Variants in DDX60L observed in about 807,000 individuals in gnomAD.
The protein encoded by DDX60L is probable ATP-dependent RNA helicase DDX60-like.
Under a neutral mutation model 211.6 loss-of-function variants are expected in DDX60L, and 191 were observed. The observed-to-expected ratio is 0.90, with a 90% CI of 0.80 to 1.02. DDX60L has a LOEUF of 1.02. Ranked by LOEUF, DDX60L falls within the 50% of genes least tolerant of loss-of-function variation. The pLI is 0.00. For synonymous variants in DDX60L, 706 were observed against 694.1 expected (o/e 1.02, Z -0.27); for missense variants, 2,007 against 1,984.1 (o/e 1.01, Z -0.22).
chr4:168,442,296 G>A (rs555427801), intron 9 of DDX60L, among the ~76,000 whole-genome samples: 125 of 152,174 alleles, frequency 8.2e-4, no homozygotes, highest in Non-Finnish European at 1.6e-3. Context: ...CTTTTGCGAC[G>A]GGCTTAAAAA....
chr4:168,458,041 T>C (rs563686822), intron 5 of DDX60L, 33 bp from the exon 6 acceptor site: 1 of 1,260,242 alleles, frequency 7.9e-7, no homozygotes, highest in Non-Finnish European at 1.1e-6. Context: ...TAAAATATCT[T>C]AAATAAAGTA....
intron 13 of DDX60L, among the ~76,000 whole-genome samples, chr4:168,429,713 G>A (rs1175703546): frequency 6.6e-6 from 1 of 152,226 alleles, no homozygotes; most frequent in Non-Finnish European, 1.5e-5. Context: ...CTGATGGGAG[G>A]TGACTGCATC....
intron 22 of DDX60L, among the ~76,000 whole-genome samples, chr4:168,413,905 T>C (rs1232394329): frequency 6.6e-6 from 1 of 152,088 alleles, no homozygotes; most frequent in Non-Finnish European, 1.5e-5. Flanking sequence ...CAAGCAGATT[T>C]AACCCAAAGA....
At chr4:168,379,893 A>C in intron 30 of DDX60L, 63 bp from the exon 31 acceptor site, 1 of 1,184,368 alleles carries the variant, frequency 8.4e-7, no homozygotes. Flanking sequence ...ACTGATATGT[A>C]ATAAATAGTA....
intron 9 of DDX60L, among the ~76,000 whole-genome samples, chr4:168,442,291 G>C (rs12513291): frequency 0.81 from 123,534 of 152,130 alleles, 50,257 homozygotes; most frequent in East Asian, 0.89. Flanking sequence ...CTGCACTTTT[G>C]CGACGGGCTT....
chr4:168,406,761 T>C, intron 22 of DDX60L, 55 bp from the exon 23 acceptor site: 1 of 1,244,824 alleles, frequency 8.0e-7, no homozygotes. Flanking sequence ...AATGTTTATA[T>C]TTCTTTTATT....
At chr4:168,371,264 G>A (rs903906596) in intron 36 of DDX60L, among the ~76,000 whole-genome samples, 1 of 150,420 alleles carries the variant, frequency 6.6e-6, no homozygotes, top group Non-Finnish European at 1.5e-5. Flanking sequence ...TTTGAGCTTT[G>A]TAATATATCC....
chr4:168,437,732 T>C (rs562142190), intron 10 of DDX60L, among the ~76,000 whole-genome samples: 1 of 152,340 alleles, frequency 6.6e-6, no homozygotes, highest in East Asian at 1.9e-4. Context: ...GGTGATGTCA[T>C]GCACCCTATA....
intron 30 of DDX60L, among the ~76,000 whole-genome samples, chr4:168,381,331 G>A (rs1272509514): frequency 6.6e-6 from 1 of 152,084 alleles, no homozygotes; most frequent in Non-Finnish European, 1.5e-5. Flanking sequence ...AGGCTGGAGT[G>A]CAGTAGGTCA....
chr4:168,443,610 T>A (rs1754287228), intron 9 of DDX60L, among the ~76,000 whole-genome samples: 1 of 151,924 alleles, frequency 6.6e-6, no homozygotes, highest in Non-Finnish European at 1.5e-5. Flanking sequence ...GGAAAAAATG[T>A]TAAGGGCAGC....
At chr4:168,425,497 C>T (rs1579561218) in intron 14 of DDX60L, among the ~76,000 whole-genome samples, 1 of 152,244 alleles carries the variant, frequency 6.6e-6, no homozygotes, top group Non-Finnish European at 1.5e-5. Context: ...CACAGTGGCT[C>T]AAGCCTGTAA....
chr4:168,448,600 T>C, intron 9 of DDX60L, 38 bp downstream of exon 9: 1 of 1,423,224 alleles, frequency 7.0e-7, no homozygotes, highest in Non-Finnish European at 9.5e-7. Context: ...TTATATAATT[T>C]GTTCATGATA....
chr4:168,448,507 T>C (rs1755166116), intron 9 of DDX60L, 131 bp downstream of exon 9: 1 of 603,456 alleles, frequency 1.7e-6, no homozygotes, highest in African/African-American at 1.9e-5. Flanking sequence ...AAAAATAAAA[T>C]ACGTAAAAAG....
chr4:168,431,415 T>C (rs557379868), intron 12 of DDX60L, among the ~76,000 whole-genome samples: 1 of 152,256 alleles, frequency 6.6e-6, no homozygotes, highest in South Asian at 2.1e-4. Context: ...CGTAGACACT[T>C]ACATAAATAG....
Position 168,394,465 on chromosome 4 carries a change from C to A in DDX60L, c.3810G>T (p.Arg1270Ser). The change falls in exon 28 of 38, where the codon AGG (arginine) becomes AGT (serine). Residue 1270 changes from arginine to serine, a missense_variant and splice_region_variant. Transcript: ENST00000682922. ...TTTAAATGCAAAGAAATTTACCTAC[C>A]CTAATAAGCCCTTTTACAAAGAGTA... is the stretch of plus-strand genomic sequence containing the variant. ...VEILFVKGLI[R>S]VVTATETLAL... The A allele has an allele frequency of 6.3e-7, 1 of 1,593,524 alleles. No individual in the cohort carries two copies. Among genetic ancestry groups the A allele is most frequent in the South Asian group, 1.1e-5 (1 of 86,972 alleles).
chr4:168,364,356 T>C (rs979478704), intron 36 of DDX60L, among the ~76,000 whole-genome samples: 1 of 152,196 alleles, frequency 6.6e-6, no homozygotes, highest in Non-Finnish European at 1.5e-5. Flanking sequence ...CAAGAGGATA[T>C]AGCATTGTAA....
intron 27 of DDX60L, among the ~76,000 whole-genome samples, chr4:168,394,984 C>T (rs1205658586): frequency 3.3e-5 from 5 of 152,160 alleles, no homozygotes; most frequent in African/African-American, 7.2e-5. Context: ...GAAGGCAGAG[C>T]GAGATCTCTA....
At chr4:168,436,376 T>C (rs559026555) in intron 10 of DDX60L, among the ~76,000 whole-genome samples, 1 of 152,344 alleles carries the variant, frequency 6.6e-6, no homozygotes, top group African/African-American at 2.4e-5. Flanking sequence ...AATCTTGGTA[T>C]TTCACACAAT....
intron 4 of DDX60L, 37 bp from the exon 5 acceptor site, chr4:168,462,077 A>G (rs1388645104): frequency 2.8e-6 from 4 of 1,419,006 alleles, no homozygotes; most frequent in Non-Finnish European, 3.9e-6. Context: ...ATCATTTTCA[A>G]ATCTTCCTTT....
Sources: gnomAD v4.1 joint callset for allele counts (sites outside exome capture counted in the v4.1 genomes callset) on GRCh38, gnomAD v4.1.1 for gene constraint, MANE v1.5 for transcripts, NCBI Gene and HGNC (gene_info 2026-07-23, HGNC 2026-07-21) for gene names.